The following VAV3 variants were observed in gnomAD, a reference collection of about 807,000 sequenced individuals.
VAV3 encodes the protein vav guanine nucleotide exchange factor 3, also known as guanine nucleotide exchange factor VAV3.
A neutral mutation model predicts 131.2 loss-of-function variants in VAV3; 94 were observed. The ratio of observed to expected loss-of-function variants is 0.72; its 90% CI spans 0.61 to 0.85. The LOEUF (loss-of-function observed/expected upper bound fraction) is 0.85, where lower values mean the gene tolerates loss of function less well. Among genes scored for constraint, VAV3 ranks in the 40% least tolerant of loss-of-function variants. VAV3 has a pLI of 0.00. For synonymous variants in VAV3, 349 were observed against 342.0 expected, an observed-to-expected ratio of 1.02 and a Z score of -0.22; for missense variants, 939 against 1,002.7, an observed-to-expected ratio of 0.94 and a Z score of 0.86.
intron 2 of VAV3, among the ~76,000 whole-genome samples, chr1:107,837,911 G>C (rs2125747): frequency 0.083 from 12,591 of 152,194 alleles, 733 homozygotes; most frequent in East Asian, 0.24. Flanking sequence ...AGACTTAAAT[G>C]TAAGACCTCA....
Position 107,956,897 on chromosome 1 carries a change from G to A in VAV3, c.204+7769C>T, listed in dbSNP as rs75317139. ...AAACAAGCAGGACAAATCGAGGGAC[G>A]TCAAGGAATTATAATGGCTATAGTA... On this transcript the variant is annotated intron_variant, in intron 1 of 26. Coordinates refer to ENST00000370056, the MANE Select transcript of VAV3 (RefSeq NM_006113.5). Among the ~76,000 whole-genome samples the A allele has an allele frequency of 2.2e-3, 331 of 152,152 alleles. 4 individuals are homozygous for A. In the East Asian group the frequency reaches 0.053, roughly 24 times the overall value.
In VAV3 at chr1:107,772,834, A is replaced by C; in HGVS notation, c.456T>G (p.Leu152=). 1 of 1,613,308 alleles carries C rather than the reference A, an allele frequency of 6.2e-7. No individual in the cohort carries two copies. Among genetic ancestry groups the C allele is most frequent in the Non-Finnish European group, 8.5e-7 (1 of 1,179,654 alleles). The change falls in exon 5 of 27, where the codon CTT becomes CTG. Residue 152 remains leucine, a synonymous_variant. Transcript: ENST00000370056. ...CATAGAGATCTTCTTCATCTTCCAC[A>C]AGGGTTTCACTACAACAAAGGATAT... ...KGLPDLIDET[L]VEDEEDLYDC...
At chr1:107,739,547 G>GC (rs370579313) in intron 15 of VAV3, among the ~76,000 whole-genome samples, 1 of 152,210 alleles carries the variant, frequency 6.6e-6, no homozygotes, top group African/African-American at 2.4e-5. Flanking sequence ...AACTGATGGT[G>GC]CCGGCATGGA....
At chr1:107,852,761 T>C (rs989749006) in intron 2 of VAV3, among the ~76,000 whole-genome samples, 7 of 152,176 alleles carry the variant, frequency 4.6e-5, no homozygotes, top group African/African-American at 9.6e-5. Flanking sequence ...GTCTTAAAAG[T>C]ATATTTACTA....
At chr1:107,657,387 G>T (rs900220525) in intron 19 of VAV3, among the ~76,000 whole-genome samples, 1 of 152,130 alleles carries the variant, frequency 6.6e-6, no homozygotes, top group African/African-American at 2.4e-5. Flanking sequence ...CTACAAATAA[G>T]AATCAGTTTT....
chr1:107,586,281 G>A (rs1277150702), intron 25 of VAV3, among the ~76,000 whole-genome samples: 1 of 152,030 alleles, frequency 6.6e-6, no homozygotes, highest in Non-Finnish European at 1.5e-5. Flanking sequence ...GCTATTCACT[G>A]CTGTATTTTA....
At chr1:107,911,488 T>C (rs1483075973) in intron 1 of VAV3, among the ~76,000 whole-genome samples, 1 of 152,220 alleles carries the variant, frequency 6.6e-6, no homozygotes, top group Admixed American at 6.5e-5. Context: ...GAATGTGTTA[T>C]ATAGCAGGGT....
intron 19 of VAV3, among the ~76,000 whole-genome samples, chr1:107,661,183 C>A (rs1009098521): frequency 6.6e-6 from 1 of 151,868 alleles, no homozygotes; most frequent in Non-Finnish European, 1.5e-5. Context: ...AAGTTTCTGC[C>A]CCAGGGTAGA....
intron 20 of VAV3, among the ~76,000 whole-genome samples, chr1:107,638,989 TACA>T: frequency 6.6e-6 from 1 of 152,096 alleles, no homozygotes; most frequent in East Asian, 1.9e-4. Flanking sequence ...ACATATATAG[TACA>T]TATAAATATA....
At chr1:107,761,089 G>A (rs1007254041) in intron 9 of VAV3, among the ~76,000 whole-genome samples, 1 of 152,144 alleles carries the variant, frequency 6.6e-6, no homozygotes, top group Non-Finnish European at 1.5e-5. Context: ...ACTATTTTGT[G>A]TATGAAAATT....
At chr1:107,676,900 T>A (rs1282796640) in intron 19 of VAV3, among the ~76,000 whole-genome samples, 1 of 152,154 alleles carries the variant, frequency 6.6e-6, no homozygotes, top group Non-Finnish European at 1.5e-5. Context: ...AATATTACTT[T>A]GACAAGTTAT....
intron 1 of VAV3, 21 bp from the exon 2 acceptor site, chr1:107,875,038 G>A (rs1670429966): frequency 2.5e-6 from 4 of 1,593,572 alleles, no homozygotes; most frequent in Non-Finnish European, 3.4e-6. Flanking sequence ...GAAAAGAGCT[G>A]TTAGCATAAA....
chr1:107,704,559 T>TAA lies in VAV3; in HGVS notation c.1694_1695dup (p.Asn566LeufsTer64), dbSNP rs1401333074. ...AATAAACATGACTTACCACCAGAAT[T>TAA]AACTCTGCCACAATTGTCTACTCTT... On this transcript the variant is annotated frameshift_variant, in exon 17 of 27. Coordinates refer to ENST00000370056, the MANE Select transcript of VAV3 (RefSeq NM_006113.5). LOFTEE classifies it high-confidence loss of function. 1 of 1,613,078 alleles carries TAA rather than the reference T, an allele frequency of 6.2e-7. No individual in the cohort carries two copies. Among genetic ancestry groups the TAA allele is most frequent in the Non-Finnish European group, 8.5e-7 (1 of 1,179,208 alleles).
At chr1:107,817,614 A>G (rs1667613222) in intron 2 of VAV3, among the ~76,000 whole-genome samples, 1 of 152,184 alleles carries the variant, frequency 6.6e-6, no homozygotes, top group African/African-American at 2.4e-5. Context: ...AGGGAAACCA[A>G]ACAAGTTAAG....
chr1:107,695,722 GTCAA>G (rs150690358), intron 17 of VAV3, among the ~76,000 whole-genome samples: 2 of 152,284 alleles, frequency 1.3e-5, no homozygotes, highest in East Asian at 3.9e-4. Flanking sequence ...AACCAGGAAA[GTCAA>G]TCAGATTTCC....
chr1:107,693,149 G>A (rs952898731), intron 17 of VAV3, among the ~76,000 whole-genome samples: 4 of 152,222 alleles, frequency 2.6e-5, no homozygotes, highest in East Asian at 1.9e-4. Context: ...CATTATTAAC[G>A]TTGGAAAGTT....
rs185478142 is a variant in VAV3 at position 107,847,182 on chromosome 1, T to C, written c.321+27719A>G. Reference sequence around the variant, plus strand: ...TGCTCCTGAACGACTACTGGGTAAATAACGAAATTAAGGCCAAAATAAATA... The same window carrying C: ...TGCTCCTGAACGACTACTGGGTAAACAACGAAATTAAGGCCAAAATAAATA... On this transcript the variant is annotated intron_variant, in intron 2 of 26. Coordinates refer to ENST00000370056, the MANE Select transcript of VAV3 (RefSeq NM_006113.5). 4.6e-5 allele frequency among the ~76,000 whole-genome samples: 7 copies of C among 152,132 alleles called. No homozygotes were observed. The East Asian group carries it at 1.4e-3, about 29-fold the overall frequency.
chr1:107,669,004 C>A, intron 19 of VAV3: 1 of 1,026,770 alleles, frequency 9.7e-7, no homozygotes, highest in Non-Finnish European at 1.2e-6. Flanking sequence ...AGGGAGTCAG[C>A]GCTGACTATA....
At chr1:107,815,037 T>C (rs1479145540) in intron 2 of VAV3, among the ~76,000 whole-genome samples, 2 of 152,198 alleles carry the variant, frequency 1.3e-5, no homozygotes, top group Non-Finnish European at 2.9e-5. Context: ...GAAAATTCCA[T>C]ATCAGTTTTC....
Sources: gnomAD v4.1 joint callset for allele counts (sites outside exome capture counted in the v4.1 genomes callset) on GRCh38, gnomAD v4.1.1 for gene constraint, MANE v1.5 for transcripts, NCBI Gene and HGNC (gene_info 2026-07-23, HGNC 2026-07-21) for gene names.